Variants in SLC2A9 observed in about 807,000 individuals in gnomAD.
SLC2A9 encodes the protein solute carrier family 2, facilitated glucose transporter member 9.
In SLC2A9, 39 loss-of-function variants were observed where a neutral mutation model predicts 50.6. That is an observed-to-expected ratio of 0.77 (90% CI 0.60 to 1.01). The LOEUF is 1.01. SLC2A9 is among the 50% of genes least tolerant of loss of function. The pLI, the probability that SLC2A9 is intolerant of heterozygous loss-of-function variation, is 0.00. For synonymous variants in SLC2A9, 324 were observed against 276.9 expected (o/e 1.17, Z -1.69); for missense variants, 686 against 677.6 (o/e 1.01, Z -0.14).
At chr4:9,917,955 TGG>T (rs1301612974) in intron 7 of SLC2A9, among the ~76,000 whole-genome samples, 1 of 152,182 alleles carries the variant, frequency 6.6e-6, no homozygotes, top group Admixed American at 6.5e-5. Context: ...ACAAAGTGTC[TGG>T]GTGGGCTGTC....
At chr4:9,781,347 C>G (rs554776948) in intron 3 of SLC2A9, among the ~76,000 whole-genome samples, 1 of 152,246 alleles carries the variant, frequency 6.6e-6, no homozygotes, top group Admixed American at 6.5e-5. Context: ...CGGAAGCCCT[C>G]GCGTCCTCAT....
chr4:9,961,500 T>C (rs540372963), intron 5 of SLC2A9, among the ~76,000 whole-genome samples: 5 of 152,298 alleles, frequency 3.3e-5, no homozygotes, highest in African/African-American at 9.6e-5. Context: ...TGGTTAGCCA[T>C]AGACAGAAAA....
chr4:9,961,654 G>C (rs887351794), intron 5 of SLC2A9, among the ~76,000 whole-genome samples: 13 of 152,064 alleles, frequency 8.5e-5, no homozygotes, highest in Admixed American at 8.5e-4. Flanking sequence ...CATAGGCATG[G>C]GCAAAGATTT....
intron 11 of SLC2A9, among the ~76,000 whole-genome samples, chr4:9,829,161 T>C (rs183110868): frequency 0.013 from 1,952 of 152,278 alleles, 20 homozygotes; most frequent in Non-Finnish European, 0.022. Context: ...CCCAGCACTT[T>C]GGGAGGCTGA....
chr4:9,808,122 T>C (rs1722368729), intron 3 of SLC2A9, among the ~76,000 whole-genome samples: 1 of 152,212 alleles, frequency 6.6e-6, no homozygotes, highest in Non-Finnish European at 1.5e-5. Flanking sequence ...CAGGCAGGGC[T>C]GTCACGGTGT....
upstream of SLC2A9, chr4:10,025,992 T>G: frequency 6.2e-7 from 1 of 1,610,746 alleles, no homozygotes; most frequent in African/African-American, 1.3e-5. Context: ...TTTTGAACTT[T>G]TGTTGTTATT....
At chr4:9,870,303 A>C (rs1733202161) in intron 10 of SLC2A9, among the ~76,000 whole-genome samples, 1 of 152,232 alleles carries the variant, frequency 6.6e-6, no homozygotes, top group Non-Finnish European at 1.5e-5. Flanking sequence ...GCTGCAAGGA[A>C]TAATTAAGTG....
intron 3 of SLC2A9, chr4:9,783,476 A>C: frequency 1.3e-6 from 2 of 1,586,026 alleles, no homozygotes; most frequent in Non-Finnish European, 8.6e-7. Flanking sequence ...TGCATTAAGA[A>C]ACCCCCTCAT....
chr4:9,781,801 C>T, intron 3 of SLC2A9: 1 of 429,410 alleles, frequency 2.3e-6, no homozygotes, highest in South Asian at 8.9e-5. Flanking sequence ...CTGTCCCCAT[C>T]GCGGAGACTG....
intron 10 of SLC2A9, among the ~76,000 whole-genome samples, chr4:9,845,700 G>T (rs1002267877): frequency 2.0e-5 from 3 of 152,074 alleles, no homozygotes; most frequent in African/African-American, 7.2e-5. Context: ...AAAGTGCTGG[G>T]ATTACAGGCG....
In SLC2A9 at chr4:9,852,740, G is replaced by A. The variant is rs376480381; in HGVS notation, c.1292-17732C>T. Among the ~76,000 whole-genome samples, 5 of 152,238 alleles carry A rather than the reference G, an allele frequency of 3.3e-5. No individual in the cohort carries two copies. In the East Asian group the frequency reaches 9.6e-4, roughly 29 times the overall value. On this transcript the variant is annotated intron_variant, in intron 10 of 11. Coordinates refer to ENST00000264784, the MANE Select transcript of SLC2A9 (RefSeq NM_020041.3). The stretch of plus-strand genomic sequence containing the variant: ...ATTTGGAAAGGAAAGACCATTACTG[G>A]CCACTACAAAAACACACTTAAGTAC...
At chr4:9,931,972 A>ATG (rs1746183381) in intron 6 of SLC2A9, among the ~76,000 whole-genome samples, 4 of 50,306 alleles carry the variant, frequency 8.0e-5, no homozygotes, top group Non-Finnish European at 1.4e-4. Flanking sequence ...CTATATATAT[A>ATG]TATATATATA....
At chr4:9,989,019 T>C (rs1757222660) in intron 3 of SLC2A9, among the ~76,000 whole-genome samples, 1 of 152,252 alleles carries the variant, frequency 6.6e-6, no homozygotes, top group African/African-American at 2.4e-5. Flanking sequence ...GGAAATAATG[T>C]ATCTCTCCAC....
chr4:9,771,919 T>C (rs1716877086), intron 1 of SLC2A9, among the ~76,000 whole-genome samples: 1 of 151,958 alleles, frequency 6.6e-6, no homozygotes. Flanking sequence ...GAGGACAGCG[T>C]TGGAATGGGT....
intron 6 of SLC2A9, among the ~76,000 whole-genome samples, chr4:9,936,927 G>A (rs946160126): frequency 2.6e-5 from 4 of 152,328 alleles, no homozygotes; most frequent in Admixed American, 6.5e-5. Flanking sequence ...AAGAGCAACA[G>A]AACTGGTCCC....
Position 9,908,363 on chromosome 4 carries a change from A to G in SLC2A9, c.1003-18T>C. ...AACCAAATCTGTAATTCAGGAAAGAATGAGCAGAGAGAATGGTCAGTGGAA... is the reference window on the plus strand; with the variant it reads ...AACCAAATCTGTAATTCAGGAAAGAGTGAGCAGAGAGAATGGTCAGTGGAA... On this transcript the variant is annotated intron_variant, in intron 7 of 11. Coordinates refer to ENST00000264784, the MANE Select transcript of SLC2A9 (RefSeq NM_020041.3). 1 of 1,532,172 alleles carries G rather than the reference A, an allele frequency of 6.5e-7. No individual in the cohort carries two copies. The highest frequency in any genetic ancestry group is 9.1e-7 in the Non-Finnish European group (1 of 1,104,400). 94.9% of individuals were successfully genotyped at this position (1,532,172 alleles called of 1,614,324 possible).
chr4:10,025,947 TC>T (rs1763737599), upstream of SLC2A9: 1 of 1,614,208 alleles, frequency 6.2e-7, no homozygotes. Context: ...TTCTCCTCGG[TC>T]CTTTTTACTG....
chr4:9,829,732 C>T (rs563101412), intron 11 of SLC2A9, among the ~76,000 whole-genome samples: 1 of 152,180 alleles, frequency 6.6e-6, no homozygotes, highest in East Asian at 1.9e-4. Flanking sequence ...CAAAAGAAGA[C>T]ATTCATATGG....
At position 9,864,410 on chromosome 4, in the gene SLC2A9, G is replaced by A. The variant is rs566243904; in HGVS notation, c.1291+23157C>T. Among the ~76,000 whole-genome samples the A allele has an allele frequency of 3.3e-5, 5 of 152,336 alleles. No individual in the cohort carries two copies. The East Asian group carries it at 9.6e-4, about 29-fold the overall frequency. On this transcript the variant is annotated intron_variant, in intron 10 of 11. Coordinates refer to ENST00000264784, the MANE Select transcript of SLC2A9 (RefSeq NM_020041.3). ...CCCCAAACAGCCTTCTGCTCTCCAA[G>A]GGCGATTCCATCAGGGTTAGTTTCC...
Sources: allele counts gnomAD v4.1 joint callset (sites outside exome capture counted in the v4.1 genomes callset), GRCh38; gene constraint gnomAD v4.1.1; transcripts MANE v1.5; gene names NCBI Gene and HGNC (gene_info 2026-07-23, HGNC 2026-07-21).